The following EPB41 variants were observed in gnomAD, a reference collection of about 807,000 sequenced individuals.
The protein encoded by EPB41 is erythrocyte membrane protein band 4.1, also known as protein 4.1.
A neutral mutation model predicts 108.0 loss-of-function variants in EPB41; 65 were observed. That is an observed-to-expected ratio of 0.60 (90% CI 0.49 to 0.74). The LOEUF (loss-of-function observed/expected upper bound fraction) is 0.74. Ranked by LOEUF, EPB41 falls within the 30% of genes least tolerant of loss-of-function variation. The pLI is 0.00. For missense variants in EPB41, 875 were observed against 1,037.0 expected (o/e 0.84, Z 2.15); for synonymous variants, 336 against 358.9 (o/e 0.94, Z 0.72).
chr1:29,058,551 C>G, intron 12 of EPB41, 38 bp from the exon 13 acceptor site: 1 of 1,582,452 alleles, frequency 6.3e-7, no homozygotes, highest in Non-Finnish European at 8.7e-7. Flanking sequence ...AACCTACTAA[C>G]CTAAAATGTT....
At chr1:29,024,793 A>T (rs565951815) in intron 7 of EPB41, among the ~76,000 whole-genome samples, 1 of 152,166 alleles carries the variant, frequency 6.6e-6, no homozygotes, top group African/African-American at 2.4e-5. Flanking sequence ...GGACAAATGG[A>T]TATAGTTCAG....
At chr1:28,983,900 A>T (rs899774885) in intron 1 of EPB41, among the ~76,000 whole-genome samples, 1 of 151,998 alleles carries the variant, frequency 6.6e-6, no homozygotes, top group African/African-American at 2.4e-5. Flanking sequence ...ATCTGCACAC[A>T]TGGCTCCCGT....
chr1:28,945,472 A>C (rs1256341829), intron 1 of EPB41, among the ~76,000 whole-genome samples: 3 of 152,166 alleles, frequency 2.0e-5, no homozygotes, highest in East Asian at 3.8e-4. Context: ...TAAATAGATA[A>C]TTTTTAAAAT....
chr1:28,973,782 T>C (rs570705387), intron 1 of EPB41, among the ~76,000 whole-genome samples: 2 of 152,198 alleles, frequency 1.3e-5, no homozygotes, highest in Non-Finnish European at 2.9e-5. Context: ...ACCCACGTAC[T>C]AGAAGAATCC....
At chr1:28,965,822 A>G (rs1286058611) in intron 1 of EPB41, among the ~76,000 whole-genome samples, 2 of 152,204 alleles carry the variant, frequency 1.3e-5, no homozygotes, top group African/African-American at 2.4e-5. Flanking sequence ...AGCGTTTTCA[A>G]AGTTTTGTAC....
At chr1:29,072,850 C>A (rs757301640) in intron 16 of EPB41, 4 of 152,182 alleles carry the variant, frequency 2.6e-5, no homozygotes, top group African/African-American at 9.7e-5. Context: ...GTGGCTAACA[C>A]CTGTAATCCC....
intron 1 of EPB41, among the ~76,000 whole-genome samples, chr1:28,925,949 C>T (rs1384969594): frequency 6.6e-6 from 1 of 152,070 alleles, no homozygotes; most frequent in Non-Finnish European, 1.5e-5. Flanking sequence ...AGATGGGGCT[C>T]ATGCCTGTAA....
At chr1:29,070,349 C>G in intron 16 of EPB41, 2 of 1,231,530 alleles carry the variant, frequency 1.6e-6, no homozygotes, top group Non-Finnish European at 2.0e-6. Flanking sequence ...TCTTGATCTT[C>G]TACTGTGAAA....
Position 28,993,435 on chromosome 1 carries a change from A to G in EPB41, c.574A>G (p.Lys192Glu), listed in dbSNP as rs2096073020. Residue 192 changes from lysine to glutamate, a missense_variant, in exon 3 of 21, where the codon AAA becomes GAA. By Grantham distance (56) the Lys-to-Glu change is moderately conservative. Around this residue, in one of 3 missense-constraint regions of EPB41, gnomAD observed 353 missense variants for 393.2 expected, o/e 0.90. Transcript: ENST00000343067. ...IEVKEESPQS[K>E]AETELKASQK... ...AGTAAAAGAAGAAAGCCCTCAATCAAAAGCAGAAACAGAATTAAAAGCTTC... is the reference window on the plus strand; with the variant it reads ...AGTAAAAGAAGAAAGCCCTCAATCAGAAGCAGAAACAGAATTAAAAGCTTC... 1 of 1,614,076 alleles carries G rather than the reference A, an allele frequency of 6.2e-7. No individual in the cohort carries two copies. The highest frequency in any genetic ancestry group is 8.5e-7 in the Non-Finnish European group (1 of 1,180,002).
chr1:29,091,717 C>T (rs758542369), intron 16 of EPB41, among the ~76,000 whole-genome samples: 1 of 152,126 alleles, frequency 6.6e-6, no homozygotes, highest in Non-Finnish European at 1.5e-5. Flanking sequence ...ATTGCTGTAT[C>T]TCAGATACAT....
chr1:29,111,116 A>G (rs1021288204), intron 18 of EPB41, among the ~76,000 whole-genome samples: 2 of 151,712 alleles, frequency 1.3e-5, no homozygotes, highest in African/African-American at 4.8e-5. Context: ...GCAGTGAGCT[A>G]AGATCATGCC....
At chr1:28,961,225 G>A (rs780496587) in intron 1 of EPB41, among the ~76,000 whole-genome samples, 1 of 152,054 alleles carries the variant, frequency 6.6e-6, no homozygotes, top group Non-Finnish European at 1.5e-5. Flanking sequence ...AAGGGACTCT[G>A]AATGAGGGCC....
At chr1:29,064,860 A>G in intron 15 of EPB41, 122 bp from the exon 16 acceptor site, 1 of 1,201,032 alleles carries the variant, frequency 8.3e-7, no homozygotes, top group African/African-American at 1.5e-5. Context: ...AATGCAGATT[A>G]GTAACATCTG....
At chr1:29,031,839 T>C (rs2096793061) in intron 8 of EPB41, 2 of 152,238 alleles carry the variant, frequency 1.3e-5, no homozygotes, top group African/African-American at 4.8e-5. Flanking sequence ...CTCACACCTG[T>C]AATCCCAACA....
chr1:28,951,377 C>A (rs1388758576), intron 1 of EPB41, among the ~76,000 whole-genome samples: 2 of 150,910 alleles, frequency 1.3e-5, no homozygotes, highest in Non-Finnish European at 2.9e-5. Context: ...CACACACACA[C>A]ACACACACAC....
chr1:29,044,182 C>A (rs1642479005), intron 11 of EPB41, among the ~76,000 whole-genome samples: 1 of 152,106 alleles, frequency 6.6e-6, no homozygotes, highest in South Asian at 2.1e-4. Flanking sequence ...ATCTTTTTAT[C>A]CCCATTTTTC....
At chr1:28,971,523 A>C (rs953409610) in intron 1 of EPB41, among the ~76,000 whole-genome samples, 1 of 152,126 alleles carries the variant, frequency 6.6e-6, no homozygotes, top group Non-Finnish European at 1.5e-5. Flanking sequence ...ACACTTGGCT[A>C]TCTGGTTTCT....
Position 29,064,995 on chromosome 1 carries a change from G to A in EPB41, c.2021G>A (p.Ser674Asn), listed in dbSNP as rs1302220038. 1.2e-6 allele frequency: 2 copies of A among 1,613,904 alleles called. No individual in the cohort carries two copies. The highest frequency in any genetic ancestry group is 1.3e-5 in the African/African-American group (1 of 74,904). The stretch of plus-strand genomic sequence containing the variant: ...TTTCAACTGTAGGATTTAGACAAGA[G>A]TCAAGAGGAGATCAAAAAACATCAT... The part of the protein sequence containing the change: ...SNLMLEDLDK[S>N]QEEIKKHHAS... Residue 674 changes from serine to asparagine, a missense_variant, in exon 16 of 21, where the codon AGT becomes AAT. This residue lies in a region of EPB41 where 519 missense variants were observed against 627.3 expected (regional missense o/e 0.83). Transcript: ENST00000343067.
chr1:28,980,972 C>G (rs1326289822), intron 1 of EPB41, among the ~76,000 whole-genome samples: 1 of 152,016 alleles, frequency 6.6e-6, no homozygotes, highest in Non-Finnish European at 1.5e-5. Context: ...AGGGTTTTAC[C>G]ACTTTGGCCA....
Sources: allele counts gnomAD v4.1 joint callset (sites outside exome capture counted in the v4.1 genomes callset), GRCh38; gene constraint gnomAD v4.1.1; regional missense constraint gnomAD v4.1.1; transcripts MANE v1.5; gene names NCBI Gene and HGNC (gene_info 2026-07-23, HGNC 2026-07-21).